Variants in SPTLC2 observed in about 807,000 individuals in gnomAD.
The protein encoded by SPTLC2 is serine palmitoyltransferase long chain base subunit 2, also known as serine palmitoyltransferase 2.
In SPTLC2, 21 loss-of-function variants were observed where a neutral mutation model predicts 62.0. The ratio of observed to expected loss-of-function variants is 0.34; its 90% CI spans 0.24 to 0.49. The LOEUF is 0.49. Ranked by LOEUF, SPTLC2 falls within the 20% of genes least tolerant of loss-of-function variation. The pLI is 0.99. For missense variants in SPTLC2, 511 were observed against 713.0 expected, an observed-to-expected ratio of 0.72 and a Z score of 3.23; for synonymous variants, 261 against 261.8, an observed-to-expected ratio of 1.00 and a Z score of 0.03.
intron 9 of SPTLC2, among the ~76,000 whole-genome samples, chr14:77,532,349 G>GT (rs2079444996): frequency 6.6e-6 from 1 of 151,962 alleles, no homozygotes; most frequent in South Asian, 2.1e-4. Flanking sequence ...AAAAATATTC[G>GT]TTTTTTATCT....
intron 9 of SPTLC2, chr14:77,536,021 CAAAA>C (rs1263460643): frequency 4.6e-6 from 2 of 438,306 alleles, no homozygotes; most frequent in Non-Finnish European, 9.0e-6. Context: ...ATAGGAAACA[CAAAA>C]GAAAAAGTTG....
chr14:77,598,758 T>C (rs1045332895), intron 1 of SPTLC2, among the ~76,000 whole-genome samples: 2 of 152,020 alleles, frequency 1.3e-5, no homozygotes, highest in Admixed American at 1.3e-4. Flanking sequence ...TGGCAAAATC[T>C]TGCCTCTACA....
intron 1 of SPTLC2, among the ~76,000 whole-genome samples, chr14:77,608,658 G>A (rs2079917775): frequency 1.3e-5 from 2 of 152,098 alleles, no homozygotes; most frequent in South Asian, 2.1e-4. Flanking sequence ...TGGAAAAAGA[G>A]CATTTTAAAC....
chr14:77,537,736 T>G (rs74503029), intron 9 of SPTLC2, among the ~76,000 whole-genome samples: 3,263 of 152,282 alleles, frequency 0.021, 99 homozygotes, highest in African/African-American at 0.074. Context: ...CTTTGTTTCC[T>G]TAACCTCTCA....
rs146704606 is a variant in SPTLC2 at position 77,597,578 on chromosome 14, C to A, written c.133-198G>T. ...TCACTTGAGGTCAGGAGTTCAAGAC[C>A]AGCCTGGTCAACATGGTGAAACCTG... On this transcript the variant is annotated intron_variant, in intron 1 of 11. Transcript: ENST00000216484. Among the ~76,000 whole-genome samples, 348 of 142,762 alleles carry A rather than the reference C, an allele frequency of 2.4e-3. 3 individuals carry two copies. The highest frequency in any genetic ancestry group is 8.4e-3 in the African/African-American group (330 of 39,068). 93.7% of individuals were successfully genotyped at this position (142,762 alleles called of 152,430 possible).
At chr14:77,573,823 G>T (rs2079698255) in intron 4 of SPTLC2, among the ~76,000 whole-genome samples, 1 of 152,122 alleles carries the variant, frequency 6.6e-6, no homozygotes, top group South Asian at 2.1e-4. Context: ...GTAAAGACAG[G>T]GTTTCACCAT....
intron 6 of SPTLC2, 28 bp downstream of exon 6, chr14:77,562,368 C>G: frequency 6.3e-7 from 1 of 1,599,814 alleles, no homozygotes; most frequent in Non-Finnish European, 8.6e-7. Context: ...AAAACCAAGG[C>G]CAGCAGTGAA....
intron 2 of SPTLC2, among the ~76,000 whole-genome samples, chr14:77,595,610 G>A (rs896129283): frequency 1.3e-5 from 2 of 152,148 alleles, no homozygotes; most frequent in African/African-American, 2.4e-5. Context: ...GTTCTCCCAG[G>A]AGCCACTTTT....
Position 77,512,295 on chromosome 14 carries a change from T to G in SPTLC2, c.1678A>C (p.Thr560Pro). The change falls in exon 12 of 12, where the codon ACA becomes CCA. Residue 560 changes from threonine (T) to proline (P), a missense_variant. Thr to Pro is a conservative substitution (Grantham distance 38). Coordinates refer to ENST00000216484, the MANE Select transcript of SPTLC2 (RefSeq NM_004863.4). ...AGCACCAAAAAGGCTCAGTCTTCTG[T>G]TTCTTCATACGTCGTCTCGTCAAAG... ...RPFDETTYEE[T>P]ED 1 of 1,614,064 alleles carries G rather than the reference T, an allele frequency of 6.2e-7. No homozygotes were observed. Among genetic ancestry groups the G allele is most frequent in the Non-Finnish European group, 8.5e-7 (1 of 1,180,004 alleles).
chr14:77,569,453 T>C (rs564327000), intron 5 of SPTLC2, among the ~76,000 whole-genome samples: 2 of 152,238 alleles, frequency 1.3e-5, no homozygotes, highest in Admixed American at 6.5e-5. Flanking sequence ...TAAAAAGGAC[T>C]TTAGAGTTAA....
chr14:77,558,512 G>A (rs2079597294), intron 6 of SPTLC2, among the ~76,000 whole-genome samples: 1 of 152,074 alleles, frequency 6.6e-6, no homozygotes, highest in South Asian at 2.1e-4. Context: ...TTGTGACTGT[G>A]CTTACACATT....
rs886050850 is a variant in SPTLC2, at chr14:77,512,149, G to T, written c.*135C>A. 1.7e-6 allele frequency: 2 copies of T among 1,204,626 alleles called. No individual in the cohort carries two copies. Among genetic ancestry groups the T allele is most frequent in the Non-Finnish European group, 1.2e-6 (1 of 821,592 alleles). The allele number at this position is 1,204,626 out of a possible 1,614,324, so 74.6% of individuals were successfully genotyped here. A position where few individuals can be genotyped will look rare whatever the true frequency, so the allele number is the denominator to read the frequency against. ...TTACAAAATGTCATTTAGAGTGGAG[G>T]TGGCCACCTTCAGTAGCTGAGGCAA... On this transcript the variant is annotated 3_prime_UTR_variant, in exon 12 of 12. Transcript: ENST00000216484.
chr14:77,597,942 G>A (rs964894434), intron 1 of SPTLC2, among the ~76,000 whole-genome samples: 1 of 152,008 alleles, frequency 6.6e-6, no homozygotes, highest in African/African-American at 2.4e-5. Context: ...TGATCACATG[G>A]AGAAAACCCA....
chr14:77,583,898 T>G (rs948223327), intron 2 of SPTLC2, among the ~76,000 whole-genome samples: 1 of 152,186 alleles, frequency 6.6e-6, no homozygotes, highest in South Asian at 2.1e-4. Flanking sequence ...AAGGATATAC[T>G]CATAAACATT....
chr14:77,561,127 C>T (rs770435457), intron 6 of SPTLC2, among the ~76,000 whole-genome samples: 6 of 151,990 alleles, frequency 3.9e-5, no homozygotes, highest in Non-Finnish European at 7.4e-5. Context: ...GAAATTTATC[C>T]TAAGGCACTA....
chr14:77,591,251 A>G (rs976179551), intron 2 of SPTLC2, among the ~76,000 whole-genome samples: 2 of 152,222 alleles, frequency 1.3e-5, no homozygotes, highest in African/African-American at 4.8e-5. Context: ...TACATGAAAC[A>G]TCCATTTATA....
intron 2 of SPTLC2, among the ~76,000 whole-genome samples, chr14:77,584,194 A>G (rs1428942755): frequency 6.6e-6 from 1 of 152,226 alleles, no homozygotes; most frequent in South Asian, 2.1e-4. Context: ...ATTGTTTAAT[A>G]TAATATACAT....
rs1005572632 is a variant in SPTLC2 at position 77,541,410 on chromosome 14, T to G, written c.1303+10686A>C. Among the ~76,000 whole-genome samples the G allele has an allele frequency of 2.6e-5, 4 of 152,158 alleles. No homozygotes were observed. In the East Asian group the frequency reaches 7.7e-4, roughly 29 times the overall value. ...GCACATTCATCTATCAAGAGTAACCTCTTCCTAGCAATGCCTTATGATGGC... is the reference window on the plus strand; with the variant it reads ...GCACATTCATCTATCAAGAGTAACCGCTTCCTAGCAATGCCTTATGATGGC... On this transcript the variant is annotated intron_variant, in intron 9 of 11. Transcript: ENST00000216484.
At chr14:77,567,212 T>G (rs2079650176) in intron 5 of SPTLC2, among the ~76,000 whole-genome samples, 1 of 152,130 alleles carries the variant, frequency 6.6e-6, no homozygotes, top group African/African-American at 2.4e-5. Context: ...CGTCTCAGCC[T>G]CCCAAAGTGC....
Sources: gnomAD v4.1 joint callset for allele counts (sites outside exome capture counted in the v4.1 genomes callset) on GRCh38, gnomAD v4.1.1 for gene constraint, MANE v1.5 for transcripts, NCBI Gene and HGNC (gene_info 2026-07-23, HGNC 2026-07-21) for gene names.